NPFFR2: variants seen among roughly 807,000 people sequenced by gnomAD.
NPFFR2 encodes neuropeptide FF receptor 2.
A neutral mutation model predicts 13.1 loss-of-function variants in NPFFR2; 15 were observed. That is an observed-to-expected ratio of 1.15 (90% CI 0.77 to 1.76). The LOEUF is 1.76. Among genes scored for constraint, NPFFR2 ranks in the 40% most tolerant of loss-of-function variants. NPFFR2 has a pLI of 0.00. For missense variants in NPFFR2, 572 were observed against 503.5 expected (o/e 1.14, Z -1.30); for synonymous variants, 190 against 175.7 (o/e 1.08, Z -0.65).
At chr4:72,043,275 C>CCT (rs34359459) in intron 1 of NPFFR2, among the ~76,000 whole-genome samples, 135,310 of 152,106 alleles carry the variant, frequency 0.89, 61,330 homozygotes, top group Non-Finnish European at 0.98. Flanking sequence ...TTGTGGAGAA[C>CCT]CTGCTAGGGT....
At chr4:72,104,028 G>A (rs1278185051) in intron 1 of NPFFR2, among the ~76,000 whole-genome samples, 1 of 152,050 alleles carries the variant, frequency 6.6e-6, no homozygotes, top group African/African-American at 2.4e-5. Context: ...TTAATGAGCA[G>A]TTTAGCTGTA....
intron 1 of NPFFR2, among the ~76,000 whole-genome samples, chr4:72,099,915 C>G (rs1232826571): frequency 1.3e-5 from 2 of 152,038 alleles, no homozygotes; most frequent in Non-Finnish European, 2.9e-5. Context: ...CACACATATA[C>G]ATAAATATCA....
At chr4:72,055,617 T>G (rs1719722050) in intron 1 of NPFFR2, among the ~76,000 whole-genome samples, 1 of 151,834 alleles carries the variant, frequency 6.6e-6, no homozygotes, top group South Asian at 2.1e-4. Flanking sequence ...CTAGAAATAA[T>G]TAAGCTTAGT....
At chr4:72,124,913 T>C (rs545911199) in intron 1 of NPFFR2, among the ~76,000 whole-genome samples, 19 of 152,258 alleles carry the variant, frequency 1.2e-4, no homozygotes, top group African/African-American at 4.6e-4. Flanking sequence ...AAAGCCAAAA[T>C]TGACAAATGA....
chr4:72,141,506 T>C (rs758219846), intron 3 of NPFFR2, among the ~76,000 whole-genome samples: 2 of 152,230 alleles, frequency 1.3e-5, no homozygotes, highest in Non-Finnish European at 2.9e-5. Context: ...TCTGCCTTCA[T>C]TTCATTATTT....
intron 1 of NPFFR2, among the ~76,000 whole-genome samples, chr4:72,070,251 A>G (rs1307095952): frequency 2.0e-5 from 3 of 152,174 alleles, no homozygotes; most frequent in African/African-American, 4.8e-5. Context: ...AAGAATTATT[A>G]TAGTTTTTAT....
chr4:72,115,104 T>A (rs1721673115), intron 1 of NPFFR2, among the ~76,000 whole-genome samples: 2 of 152,192 alleles, frequency 1.3e-5, no homozygotes, highest in Non-Finnish European at 2.9e-5. Context: ...ATAATTCACT[T>A]AAATTTTTGT....
At chr4:72,131,444 T>G (rs1722237756) in intron 2 of NPFFR2, among the ~76,000 whole-genome samples, 1 of 102,614 alleles carries the variant, frequency 9.7e-6, no homozygotes, top group Non-Finnish European at 1.8e-5. Context: ...TGGGGACTGT[T>G]GTGGGGTGGG....
intron 1 of NPFFR2, among the ~76,000 whole-genome samples, chr4:72,095,818 G>A (rs1433992951): frequency 6.6e-6 from 1 of 152,126 alleles, no homozygotes; most frequent in Admixed American, 6.5e-5. Context: ...CTTTAACTCA[G>A]AAAGTTCACG....
chr4:72,051,036 A>G (rs1719556561), intron 1 of NPFFR2, among the ~76,000 whole-genome samples: 1 of 151,944 alleles, frequency 6.6e-6, no homozygotes, highest in African/African-American at 2.4e-5. Context: ...GGTTGGTTCC[A>G]AGTCTTTGCT....
intron 1 of NPFFR2, among the ~76,000 whole-genome samples, chr4:72,126,803 G>A (rs1023475511): frequency 1.3e-5 from 2 of 152,184 alleles, no homozygotes; most frequent in East Asian, 1.9e-4. Context: ...AATTAGGCAT[G>A]TTCTATGTGA....
At chr4:72,112,877 T>A (rs2109820780) in intron 1 of NPFFR2, among the ~76,000 whole-genome samples, 1 of 152,042 alleles carries the variant, frequency 6.6e-6, no homozygotes, top group East Asian at 1.9e-4. Context: ...TTACCGGTTA[T>A]ATAGATTAAT....
intron 1 of NPFFR2, among the ~76,000 whole-genome samples, chr4:72,078,661 C>T (rs1429896422): frequency 6.6e-6 from 1 of 152,014 alleles, no homozygotes; most frequent in Non-Finnish European, 1.5e-5. Flanking sequence ...TTAATGCTTA[C>T]TATATGGCTA....
At chr4:72,095,673 T>C (rs769035846) in intron 1 of NPFFR2, among the ~76,000 whole-genome samples, 10 of 152,302 alleles carry the variant, frequency 6.6e-5, no homozygotes, top group Non-Finnish European at 1.0e-4. Flanking sequence ...ATGGGCCCTA[T>C]ATAAGCCCCA....
chr4:72,136,477 C>T (rs1414615798), intron 2 of NPFFR2, among the ~76,000 whole-genome samples: 3 of 152,126 alleles, frequency 2.0e-5, no homozygotes, highest in Non-Finnish European at 4.4e-5. Context: ...AGCGTGGCTG[C>T]CTGGAAGTTC....
chr4:72,093,584 G>A (rs4572841), intron 1 of NPFFR2, among the ~76,000 whole-genome samples: 135,118 of 152,058 alleles, frequency 0.89, 62,060 homozygotes, highest in East Asian at 0.99. Context: ...CCTGGTGTTT[G>A]AGCTCTGAAT....
At chr4:72,062,598 T>C (rs1361509331) in intron 1 of NPFFR2, among the ~76,000 whole-genome samples, 2 of 152,162 alleles carry the variant, frequency 1.3e-5, no homozygotes, top group Admixed American at 6.5e-5. Context: ...AATTGTAGCT[T>C]CTTGCATAAA....
At chr4:72,106,192 A>C (rs1721414656) in intron 1 of NPFFR2, among the ~76,000 whole-genome samples, 1 of 152,032 alleles carries the variant, frequency 6.6e-6, no homozygotes, top group African/African-American at 2.4e-5. Context: ...AACACAGTGG[A>C]CTTGCGTCTG....
At chr4:72,074,836 C>A (rs1720378116) in intron 1 of NPFFR2, among the ~76,000 whole-genome samples, 5 of 152,170 alleles carry the variant, frequency 3.3e-5, no homozygotes, top group Admixed American at 2.6e-4. Context: ...AATGGATATT[C>A]TATGCAAACG....
Sources: allele counts gnomAD v4.1 joint callset (sites outside exome capture counted in the v4.1 genomes callset), GRCh38; gene constraint gnomAD v4.1.1; transcripts MANE v1.5; gene names NCBI Gene and HGNC (gene_info 2026-07-23, HGNC 2026-07-21).